The following CACNG3 variants were observed in gnomAD, a reference collection of about 807,000 sequenced individuals.
The protein encoded by CACNG3 is calcium voltage-gated channel auxiliary subunit gamma 3, also known as voltage-dependent calcium channel gamma-3 subunit.
In CACNG3, 3 loss-of-function variants were observed where a neutral mutation model predicts 28.5. The observed-to-expected ratio is 0.11, with a 90% CI of 0.05 to 0.27. The LOEUF is 0.27. Among genes scored for constraint, CACNG3 ranks in the 10% least tolerant of loss-of-function variants. The pLI, the probability that CACNG3 is intolerant of heterozygous loss-of-function variation, is 1.00. For missense variants in CACNG3, 236 were observed against 414.4 expected, an observed-to-expected ratio of 0.57 and a Z score of 3.74; for synonymous variants, 174 against 162.2, an observed-to-expected ratio of 1.07 and a Z score of -0.55.
At chr16:24,332,464 CAA>C (rs397955620) in intron 1 of CACNG3, among the ~76,000 whole-genome samples, 22 of 135,410 alleles carry the variant, frequency 1.6e-4, no homozygotes, top group Admixed American at 1.5e-4. Context: ...GACCCTGTCT[CAA>C]AAAAAAAAAA....
Position 24,292,565 on chromosome 16 carries a change from T to G in CACNG3, c.211+35600T>G, listed in dbSNP as rs147514412. ...CTTCCAGTCCTGCCTTCCTCTTCTC[T>G]TCTCTTTTTCCTCCTCTCTCTCCCA... On this transcript the variant is annotated intron_variant, in intron 1 of 3. Coordinates refer to ENST00000005284, the MANE Select transcript of CACNG3 (RefSeq NM_006539.4). 6.5e-3 allele frequency among the ~76,000 whole-genome samples: 991 copies of G among 152,236 alleles called. 7 individuals carry two copies. Among genetic ancestry groups the G allele is most frequent in the African/African-American group, 0.023 (956 of 41,546 alleles).
chr16:24,342,072 A>G (rs1301663320), intron 1 of CACNG3, among the ~76,000 whole-genome samples: 2 of 152,302 alleles, frequency 1.3e-5, no homozygotes, highest in East Asian at 1.9e-4. Context: ...GTTCAAGACC[A>G]GCCTGGCCAA....
chr16:24,261,384 G>A (rs1020216466), intron 1 of CACNG3, among the ~76,000 whole-genome samples: 6 of 152,138 alleles, frequency 3.9e-5, no homozygotes, highest in African/African-American at 1.4e-4. Context: ...TTTTTACCTT[G>A]GAGAAATAGA....
At chr16:24,313,022 A>C (rs1430195492) in intron 1 of CACNG3, among the ~76,000 whole-genome samples, 1 of 150,978 alleles carries the variant, frequency 6.6e-6, no homozygotes, top group Non-Finnish European at 1.5e-5. Context: ...AGAAAGAGAG[A>C]GAGGAAGGAA....
At chr16:24,339,330 A>G (rs1230930789) in intron 1 of CACNG3, among the ~76,000 whole-genome samples, 1 of 151,194 alleles carries the variant, frequency 6.6e-6, no homozygotes, top group African/African-American at 2.4e-5. Flanking sequence ...CACCTCACTG[A>G]GCTCTTTCAT....
intron 1 of CACNG3, among the ~76,000 whole-genome samples, chr16:24,335,642 C>T (rs923852898): frequency 6.6e-6 from 1 of 152,112 alleles, no homozygotes; most frequent in Non-Finnish European, 1.5e-5. Flanking sequence ...CATTCTGGCT[C>T]CAAAATCCAT....
intron 3 of CACNG3, among the ~76,000 whole-genome samples, chr16:24,359,868 A>G (rs569525639): frequency 5.1e-4 from 60 of 117,372 alleles, no homozygotes; most frequent in African/African-American, 1.5e-3. Context: ...ATCTCTAAAA[A>G]CAAAACAAAA....
At chr16:24,341,636 C>G (rs1899788550) in intron 1 of CACNG3, among the ~76,000 whole-genome samples, 1 of 152,192 alleles carries the variant, frequency 6.6e-6, no homozygotes, top group African/African-American at 2.4e-5. Flanking sequence ...GAAGAAGGAA[C>G]TGAGGTTTGG....
chr16:24,345,722 A>T (rs988134100), intron 1 of CACNG3, among the ~76,000 whole-genome samples: 2 of 152,180 alleles, frequency 1.3e-5, no homozygotes, highest in African/African-American at 4.8e-5. Context: ...AAAAGACAGC[A>T]AATGTGGACG....
chr16:24,317,673 AAAG>A, intron 1 of CACNG3, among the ~76,000 whole-genome samples: 1 of 102,306 alleles, frequency 9.8e-6, no homozygotes, highest in Non-Finnish European at 2.0e-5. Flanking sequence ...AGAAAGAAAG[AAAG>A]AAAGAAAGAA....
chr16:24,294,171 T>C (rs910634202), intron 1 of CACNG3, among the ~76,000 whole-genome samples: 1 of 152,216 alleles, frequency 6.6e-6, no homozygotes, highest in South Asian at 2.1e-4. Flanking sequence ...CAAAATTGCT[T>C]CCTTTTGCTT....
intron 1 of CACNG3, among the ~76,000 whole-genome samples, chr16:24,341,392 A>T (rs1329346900): frequency 6.6e-6 from 1 of 152,172 alleles, no homozygotes; most frequent in African/African-American, 2.4e-5. Flanking sequence ...CCATGGCGCC[A>T]ATGTGTCTCT....
At chr16:24,308,832 C>T (rs1374186162) in intron 1 of CACNG3, among the ~76,000 whole-genome samples, 1 of 86,490 alleles carries the variant, frequency 1.2e-5, no homozygotes, top group Admixed American at 1.5e-4. Flanking sequence ...GGAGTGAGAA[C>T]CTACCTCAAA....
At chr16:24,344,345 G>A (rs1254178587) in intron 1 of CACNG3, among the ~76,000 whole-genome samples, 3 of 151,714 alleles carry the variant, frequency 2.0e-5, no homozygotes, top group Non-Finnish European at 4.4e-5. Flanking sequence ...GGAGGTGGAG[G>A]TTGCAGCGAG....
At chr16:24,304,311 A>G (rs1212821055) in intron 1 of CACNG3, among the ~76,000 whole-genome samples, 1 of 152,218 alleles carries the variant, frequency 6.6e-6, no homozygotes, top group Non-Finnish European at 1.5e-5. Context: ...AATTATGCAT[A>G]GGAAAGAGTA....
Position 24,295,848 on chromosome 16 carries a change from AAAACAAAC to A in CACNG3, c.211+38899_211+38906del, listed in dbSNP as rs529144745. On this transcript the variant is annotated intron_variant, in intron 1 of 3. Transcript: ENST00000005284. ...GGGCTACAGAGTAAGACGCTGTCTC[AAAACAAAC>A]AAACAAACAAACAAAAAAACCTCAA... 4.7e-3 allele frequency among the ~76,000 whole-genome samples: 712 copies of A among 152,242 alleles called. 14 individuals are homozygous for A. Among genetic ancestry groups the A allele is most frequent in the Admixed American group, 4.0e-3 (61 of 15,296 alleles).
intron 1 of CACNG3, among the ~76,000 whole-genome samples, chr16:24,280,947 A>G (rs907488987): frequency 6.6e-6 from 1 of 151,896 alleles, no homozygotes; most frequent in Non-Finnish European, 1.5e-5. Context: ...GTTGGAAGTG[A>G]CAGAAAACTA....
At chr16:24,266,815 C>T (rs972893315) in intron 1 of CACNG3, among the ~76,000 whole-genome samples, 1 of 152,132 alleles carries the variant, frequency 6.6e-6, no homozygotes, top group African/African-American at 2.4e-5. Context: ...ACTTCCAGGG[C>T]AAGTCTGCCC....
intron 1 of CACNG3, among the ~76,000 whole-genome samples, chr16:24,264,687 A>C (rs1898574331): frequency 6.6e-6 from 1 of 152,232 alleles, no homozygotes. Context: ...AGGTGCTAGA[A>C]TCTAAACGAG....
Sources: gnomAD v4.1 joint callset for allele counts (sites outside exome capture counted in the v4.1 genomes callset) on GRCh38, gnomAD v4.1.1 for gene constraint, MANE v1.5 for transcripts, NCBI Gene and HGNC (gene_info 2026-07-23, HGNC 2026-07-21) for gene names.